PRKG1: variants seen among roughly 807,000 people sequenced by gnomAD.
PRKG1 encodes the protein cGMP-dependent protein kinase 1.
A neutral mutation model predicts 88.1 loss-of-function variants in PRKG1; 35 were observed. That is an observed-to-expected ratio of 0.40 (90% CI 0.30 to 0.53). The LOEUF is 0.53. Among genes scored for constraint, PRKG1 ranks in the 20% least tolerant of loss-of-function variants. PRKG1 has a pLI of 0.59. For synonymous variants in PRKG1, 303 were observed against 292.5 expected (o/e 1.04, Z -0.37); for missense variants, 540 against 839.8 (o/e 0.64, Z 4.41).
chr10:51,200,438 C>T (rs1051563405), intron 2 of PRKG1, among the ~76,000 whole-genome samples: 1 of 152,192 alleles, frequency 6.6e-6, no homozygotes, highest in African/African-American at 2.4e-5. Context: ...GGAATTTGTA[C>T]TTCACAGCTA....
At chr10:52,020,656 T>C (rs1258957260) in intron 5 of PRKG1, among the ~76,000 whole-genome samples, 2 of 152,028 alleles carry the variant, frequency 1.3e-5, no homozygotes, top group African/African-American at 4.8e-5. Context: ...ATTCTTCCCT[T>C]AGGGTGGGCT....
intron 2 of PRKG1, among the ~76,000 whole-genome samples, chr10:51,214,251 G>C (rs1323283071): frequency 6.6e-6 from 1 of 152,092 alleles, no homozygotes; most frequent in Non-Finnish European, 1.5e-5. Context: ...AAAGGTCTCA[G>C]GTTGTCAAAG....
intron 4 of PRKG1, among the ~76,000 whole-genome samples, chr10:51,804,909 G>T (rs1311306020): frequency 6.6e-6 from 1 of 151,886 alleles, no homozygotes; most frequent in African/African-American, 2.4e-5. Flanking sequence ...TATATTTCTG[G>T]TGCCAGTTTC....
At chr10:51,876,811 G>A (rs1841311222) in intron 4 of PRKG1, among the ~76,000 whole-genome samples, 1 of 152,224 alleles carries the variant, frequency 6.6e-6, no homozygotes, top group African/African-American at 2.4e-5. Flanking sequence ...ACTTGTGTAT[G>A]ATATACCCAG....
rs115651207 is a variant in PRKG1, at chr10:52,060,385, C to T, written c.841-2152C>T. ...AAAATGCAAACAATAAAATATTACA[C>T]GGTTAAGTGTAATTACATTAAAATT... On this transcript the variant is annotated intron_variant, in intron 6 of 17. Transcript: ENST00000373980. 1.0e-2 allele frequency among the ~76,000 whole-genome samples: 1,512 copies of T among 151,800 alleles called. 27 individuals are homozygous for T. The highest frequency in any genetic ancestry group is 0.033 in the African/African-American group (1,387 of 41,464).
intron 5 of PRKG1, among the ~76,000 whole-genome samples, chr10:52,014,546 C>A (rs1178197213): frequency 6.6e-6 from 1 of 152,154 alleles, no homozygotes; most frequent in African/African-American, 2.4e-5. Context: ...TGGTCCCTCA[C>A]AAATCTCATT....
intron 1 of PRKG1, among the ~76,000 whole-genome samples, chr10:51,117,964 G>A (rs906289292): frequency 6.6e-6 from 1 of 152,168 alleles, no homozygotes; most frequent in Non-Finnish European, 1.5e-5. Context: ...CTGAAAGTTA[G>A]CTGTCTCTTG....
rs115102401 is a variant in PRKG1, at chr10:51,636,017, A to G, written c.592+168181A>G. Among the ~76,000 whole-genome samples the G allele has an allele frequency of 6.2e-3, 944 of 152,314 alleles. 9 individuals carry two copies. Among genetic ancestry groups the G allele is most frequent in the African/African-American group, 0.021 (886 of 41,570 alleles). ...TTGAAGTAAATAAATCAGGAAATCT[A>G]TGGTAGCACTTAACATTTATGATGA... is the stretch of plus-strand genomic sequence containing the variant. On this transcript the variant is annotated intron_variant, in intron 3 of 17. Transcript: ENST00000373980.
At chr10:51,615,712 A>T (rs1173381866) in intron 3 of PRKG1, among the ~76,000 whole-genome samples, 1 of 149,418 alleles carries the variant, frequency 6.7e-6, no homozygotes, top group Non-Finnish European at 1.5e-5. Flanking sequence ...TTCATATCCT[A>T]AATTGTTTTT....
At chr10:51,973,550 T>A (rs1370696195) in intron 5 of PRKG1, among the ~76,000 whole-genome samples, 2 of 152,182 alleles carry the variant, frequency 1.3e-5, no homozygotes, top group African/African-American at 2.4e-5. Flanking sequence ...CCTACTTACA[T>A]CTTTCACTTG....
chr10:52,011,266 G>A (rs1265132575), intron 5 of PRKG1, among the ~76,000 whole-genome samples: 2 of 152,116 alleles, frequency 1.3e-5, no homozygotes, highest in African/African-American at 4.8e-5. Context: ...ATGCTACATA[G>A]TTCTAGGCTG....
intron 2 of PRKG1, among the ~76,000 whole-genome samples, chr10:51,466,693 A>G (rs1385213274): frequency 2.0e-5 from 3 of 152,094 alleles, no homozygotes; most frequent in African/African-American, 7.2e-5. Flanking sequence ...AAAGGGAAGG[A>G]GTGAATTTAA....
chr10:51,731,914 C>T (rs1050144736), intron 3 of PRKG1, among the ~76,000 whole-genome samples: 25 of 152,236 alleles, frequency 1.6e-4, no homozygotes, highest in African/African-American at 5.5e-4. Context: ...GATGGCTGCC[C>T]TTCTTGCTGT....
chr10:52,063,950 G>A (rs1846296606), intron 7 of PRKG1, among the ~76,000 whole-genome samples: 1 of 152,208 alleles, frequency 6.6e-6, no homozygotes, highest in Non-Finnish European at 1.5e-5. Flanking sequence ...CAGAGGGGCA[G>A]AAATACATGC....
chr10:52,274,097 A>G (rs915468929), intron 12 of PRKG1, among the ~76,000 whole-genome samples: 4 of 152,068 alleles, frequency 2.6e-5, no homozygotes, highest in East Asian at 1.9e-4. Context: ...CCACAAAGGG[A>G]GAGCCCAGCT....
intron 7 of PRKG1, among the ~76,000 whole-genome samples, chr10:52,116,753 C>T (rs1847696583): frequency 6.6e-6 from 1 of 152,070 alleles, no homozygotes; most frequent in Non-Finnish European, 1.5e-5. Flanking sequence ...TTCAGTATGT[C>T]AGACAGTGAT....
intron 3 of PRKG1, among the ~76,000 whole-genome samples, chr10:51,650,673 G>A (rs1422592357): frequency 6.6e-6 from 1 of 152,154 alleles, no homozygotes; most frequent in African/African-American, 2.4e-5. Flanking sequence ...GTAGGTTTCT[G>A]TGATCAAATA....
chr10:51,116,101 G>A (rs182471381), intron 1 of PRKG1, among the ~76,000 whole-genome samples: 99 of 152,208 alleles, frequency 6.5e-4, no homozygotes, highest in African/African-American at 2.2e-3. Flanking sequence ...TCTGCCAGTC[G>A]GTAACTAATT....
chr10:52,205,025 T>C (rs1261822796), intron 9 of PRKG1, among the ~76,000 whole-genome samples: 1 of 152,106 alleles, frequency 6.6e-6, no homozygotes, highest in East Asian at 1.9e-4. Context: ...ATGGCTGCCC[T>C]GGGAGTGTCT....
Sources: allele counts gnomAD v4.1 joint callset (sites outside exome capture counted in the v4.1 genomes callset), GRCh38; gene constraint gnomAD v4.1.1; transcripts MANE v1.5; gene names NCBI Gene and HGNC (gene_info 2026-07-23, HGNC 2026-07-21).